The following PARP8 variants were observed in gnomAD, a reference collection of about 807,000 sequenced individuals.
PARP8 encodes protein mono-ADP-ribosyltransferase PARP8.
PARP8 carries 51 observed loss-of-function variants against 124.1 expected under a neutral mutation model. That is an observed-to-expected ratio of 0.41 (90% CI 0.33 to 0.52). The LOEUF is 0.52. Among genes scored for constraint, PARP8 ranks in the 20% least tolerant of loss-of-function variants. The pLI is 0.21. For synonymous variants in PARP8, 391 were observed against 361.5 expected, an observed-to-expected ratio of 1.08 and a Z score of -0.93; for missense variants, 860 against 1,018.9, an observed-to-expected ratio of 0.84 and a Z score of 2.12.
intron 2 of PARP8, among the ~76,000 whole-genome samples, chr5:50,731,349 G>C (rs2149518648): frequency 6.6e-6 from 1 of 152,038 alleles, no homozygotes; most frequent in Non-Finnish European, 1.5e-5. Context: ...TTGCTCTTCT[G>C]TCCAAAAGAA....
intron 3 of PARP8, among the ~76,000 whole-genome samples, chr5:50,758,029 G>C (rs34176744): frequency 6.6e-6 from 1 of 151,880 alleles, no homozygotes; most frequent in South Asian, 2.1e-4. Context: ...AGTAGCAACC[G>C]ACTTCAAATC....
At chr5:50,789,480 AAAT>A (rs140854585) in intron 10 of PARP8, among the ~76,000 whole-genome samples, 10,166 of 152,232 alleles carry the variant, frequency 0.067, 374 homozygotes, top group Middle Eastern at 0.11. Flanking sequence ...TCCCTGAAGA[AAAT>A]AATGATGCCA....
chr5:50,673,783 G>C (rs1242187668), intron 2 of PARP8, among the ~76,000 whole-genome samples: 1 of 152,296 alleles, frequency 6.6e-6, no homozygotes, highest in South Asian at 2.1e-4. Context: ...TATGTACGTT[G>C]GCTGTGGAAT....
At chr5:50,832,988 C>T in intron 23 of PARP8, 134 bp downstream of exon 23, 2 of 717,508 alleles carry the variant, frequency 2.8e-6, no homozygotes, top group Admixed American at 2.8e-5. Context: ...GAATAAAACT[C>T]ACTCTGAAAT....
chr5:50,706,202 TA>T (rs1397951739), intron 2 of PARP8, among the ~76,000 whole-genome samples: 24 of 152,200 alleles, frequency 1.6e-4, no homozygotes, highest in Admixed American at 1.2e-3. Context: ...AATTTGTACC[TA>T]CTGATTATTA....
At chr5:50,667,882 C>T in intron 1 of PARP8, 189 bp from the exon 2 acceptor site, 1 of 1,492,914 alleles carries the variant, frequency 6.7e-7, no homozygotes, top group Non-Finnish European at 8.9e-7. Flanking sequence ...GGGCGGCCTC[C>T]CGCTGCACCC....
intron 2 of PARP8, among the ~76,000 whole-genome samples, chr5:50,716,470 A>G (rs1252998291): frequency 6.6e-6 from 1 of 152,070 alleles, no homozygotes; most frequent in Non-Finnish European, 1.5e-5. Flanking sequence ...TAATTGTTTC[A>G]AAGTTACTTT....
At chr5:50,797,616 A>G (rs1468153119) in intron 14 of PARP8, among the ~76,000 whole-genome samples, 1 of 152,180 alleles carries the variant, frequency 6.6e-6, no homozygotes, top group Non-Finnish European at 1.5e-5. Context: ...AATATGTGAG[A>G]GGAGAGTCTT....
At chr5:50,706,928 G>A (rs1580032511) in intron 2 of PARP8, among the ~76,000 whole-genome samples, 1 of 152,038 alleles carries the variant, frequency 6.6e-6, no homozygotes, top group East Asian at 1.9e-4. Flanking sequence ...TACAGTGATT[G>A]ATTTCTGTAA....
At chr5:50,693,726 C>T (rs192984067) in intron 2 of PARP8, among the ~76,000 whole-genome samples, 49 of 151,036 alleles carry the variant, frequency 3.2e-4, no homozygotes, top group Admixed American at 1.2e-3. Flanking sequence ...ATAATGTAAT[C>T]GTATAATCAC....
chr5:50,789,515 G>A (rs1475531787), intron 10 of PARP8, among the ~76,000 whole-genome samples: 1 of 152,136 alleles, frequency 6.6e-6, no homozygotes, highest in African/African-American at 2.4e-5. Context: ...TCCTTCGCCA[G>A]CCTTCCACAC....
At chr5:50,811,433 C>T (rs903915948) in intron 14 of PARP8, among the ~76,000 whole-genome samples, 51 of 151,738 alleles carry the variant, frequency 3.4e-4, no homozygotes, top group African/African-American at 1.2e-3. Context: ...CAGAATGACA[C>T]ATGAATACCT....
intron 1 of PARP8, 27 bp downstream of exon 1, chr5:50,667,213 G>C (rs1489924568): frequency 6.3e-7 from 1 of 1,594,882 alleles, no homozygotes; most frequent in Non-Finnish European, 8.5e-7. Flanking sequence ...CCAGAACCTC[G>C]GACCCAGCGC....
At chr5:50,840,431 T>C (rs1748055334) in intron 25 of PARP8, among the ~76,000 whole-genome samples, 1 of 151,834 alleles carries the variant, frequency 6.6e-6, no homozygotes, top group Non-Finnish European at 1.5e-5. Context: ...GAGCCAAGAA[T>C]GACTAAAGGT....
At chr5:50,723,755 A>C (rs1301737318) in intron 2 of PARP8, among the ~76,000 whole-genome samples, 1 of 152,142 alleles carries the variant, frequency 6.6e-6, no homozygotes. Context: ...AGATTTTGCC[A>C]AACAGGCTTT....
intron 2 of PARP8, among the ~76,000 whole-genome samples, chr5:50,679,290 C>G (rs1002879761): frequency 1.3e-5 from 2 of 152,142 alleles, no homozygotes; most frequent in Non-Finnish European, 2.9e-5. Flanking sequence ...CCATACTTTT[C>G]GTTATTATCA....
chr5:50,724,328 A>G (rs1478272059), intron 2 of PARP8, among the ~76,000 whole-genome samples: 2 of 152,156 alleles, frequency 1.3e-5, no homozygotes, highest in East Asian at 3.9e-4. Context: ...CTAAGTTTTC[A>G]GTAGATGCAT....
intron 14 of PARP8, among the ~76,000 whole-genome samples, chr5:50,812,206 C>G (rs1341215937): frequency 6.6e-6 from 1 of 152,178 alleles, no homozygotes; most frequent in Non-Finnish European, 1.5e-5. Context: ...TACACTCCCA[C>G]CAACAGAGTA....
intron 2 of PARP8, among the ~76,000 whole-genome samples, chr5:50,681,638 C>A (rs1394317782): frequency 6.6e-6 from 1 of 152,092 alleles, no homozygotes; most frequent in African/African-American, 2.4e-5. Flanking sequence ...AATGAAAGTC[C>A]TCTCTGAAGT....
Sources: allele counts gnomAD v4.1 joint callset (sites outside exome capture counted in the v4.1 genomes callset), GRCh38; gene constraint gnomAD v4.1.1; transcripts MANE v1.5; gene names NCBI Gene and HGNC (gene_info 2026-07-23, HGNC 2026-07-21).